The following MSRA variants were observed in gnomAD, a reference collection of about 807,000 sequenced individuals.
MSRA encodes the protein methionine sulfoxide reductase A.
A neutral mutation model predicts 31.3 loss-of-function variants in MSRA; 54 were observed. That is an observed-to-expected ratio of 1.73 (90% CI 1.39 to 2.17). The LOEUF (loss-of-function observed/expected upper bound fraction) is 2.17, where lower values mean the gene tolerates loss of function less well. Ranked by LOEUF, MSRA falls within the 30% of genes most tolerant of loss-of-function variation. MSRA has a pLI of 0.00. For synonymous variants in MSRA, 169 were observed against 116.5 expected, an observed-to-expected ratio of 1.45 and a Z score of -2.90; for missense variants, 507 against 300.9, an observed-to-expected ratio of 1.69 and a Z score of -5.07.
intron 5 of MSRA, among the ~76,000 whole-genome samples, chr8:10,373,999 G>T (rs1013849061): frequency 6.6e-6 from 1 of 152,180 alleles, no homozygotes; most frequent in African/African-American, 2.4e-5. Flanking sequence ...TGCCATGCTC[G>T]CCCTCCCCAG....
At chr8:10,423,944 A>C (rs1585750609) in intron 5 of MSRA, among the ~76,000 whole-genome samples, 1 of 152,000 alleles carries the variant, frequency 6.6e-6, no homozygotes, top group East Asian at 2.0e-4. Context: ...AATTGCACAC[A>C]GTGCACAAAG....
intron 2 of MSRA, among the ~76,000 whole-genome samples, chr8:10,211,431 G>A (rs1250214020): frequency 6.6e-6 from 1 of 152,080 alleles, no homozygotes; most frequent in Non-Finnish European, 1.5e-5. Context: ...CAATGAGAAC[G>A]AAGGTAATAG....
chr8:10,109,489 G>A (rs1022403771), intron 1 of MSRA, among the ~76,000 whole-genome samples: 16 of 151,866 alleles, frequency 1.1e-4, no homozygotes, highest in African/African-American at 2.7e-4. Context: ...CAACAGGCAC[G>A]CACCTACCAC....
intron 5 of MSRA, among the ~76,000 whole-genome samples, chr8:10,418,480 G>C (rs1808612497): frequency 6.6e-6 from 1 of 152,124 alleles, no homozygotes; most frequent in Non-Finnish European, 1.5e-5. Flanking sequence ...TGGAGGGGCA[G>C]CTCAGTTCAT....
intron 3 of MSRA, among the ~76,000 whole-genome samples, chr8:10,247,226 T>C (rs1446784274): frequency 6.6e-6 from 1 of 152,240 alleles, no homozygotes; most frequent in African/African-American, 2.4e-5. Context: ...ATGAAGTATG[T>C]CAGCTTCTAT....
intron 5 of MSRA, among the ~76,000 whole-genome samples, chr8:10,410,819 GC>G (rs1200324728): frequency 9.2e-5 from 14 of 152,184 alleles, no homozygotes; most frequent in Admixed American, 5.9e-4. Flanking sequence ...GAACTGGAAA[GC>G]ATGCCAATTA....
At chr8:10,328,376 T>A (rs1458229691) in intron 5 of MSRA, among the ~76,000 whole-genome samples, 2 of 151,648 alleles carry the variant, frequency 1.3e-5, no homozygotes, top group African/African-American at 4.9e-5. Context: ...TGAATCAGAT[T>A]AACAGATTCT....
chr8:10,070,630 T>C (rs1797686474), intron 1 of MSRA, among the ~76,000 whole-genome samples: 1 of 152,176 alleles, frequency 6.6e-6, no homozygotes, highest in Non-Finnish European at 1.5e-5. Context: ...TTGTGCTGCA[T>C]TTTTATAGCC....
intron 3 of MSRA, among the ~76,000 whole-genome samples, chr8:10,253,064 G>C (rs1797999640): frequency 6.6e-6 from 1 of 152,194 alleles, no homozygotes; most frequent in African/African-American, 2.4e-5. Flanking sequence ...TTAGACATCA[G>C]AGAGGGTGAG....
rs919140233 is a variant in MSRA at position 10,112,028 on chromosome 8, C to G, written c.142+57370C>G. Among the ~76,000 whole-genome samples, 22 of 119,670 alleles carry G rather than the reference C, an allele frequency of 1.8e-4. No homozygotes were observed. In the Admixed American group the frequency reaches 2.0e-3, roughly 11 times the overall value. 78.5% of individuals were successfully genotyped at this position (119,670 alleles called of 152,430 possible). Reference sequence around the variant, plus strand: ...GTCTTCTTTATTTTTCTTTTTAAGACTCAGTTTTTTTTTTGACTTAGTTTT... The same window carrying G: ...GTCTTCTTTATTTTTCTTTTTAAGAGTCAGTTTTTTTTTTGACTTAGTTTT... On this transcript the variant is annotated intron_variant, in intron 1 of 5. Transcript: ENST00000317173.
chr8:10,159,805 G>A (rs950205322), intron 1 of MSRA, among the ~76,000 whole-genome samples: 5 of 152,164 alleles, frequency 3.3e-5, no homozygotes, highest in African/African-American at 4.8e-5. Flanking sequence ...AAGAGGTACA[G>A]TGATAGAAAA....
intron 5 of MSRA, among the ~76,000 whole-genome samples, chr8:10,341,827 A>G (rs772477889): frequency 6.6e-6 from 1 of 152,216 alleles, no homozygotes; most frequent in African/African-American, 2.4e-5. Flanking sequence ...GAATGGGCAG[A>G]TGATTTGCCC....
rs1809340745 is a variant in MSRA at position 10,428,495 on chromosome 8, T to TA, written c.*184dup. On this transcript the variant is annotated 3_prime_UTR_variant, in exon 6 of 6. Coordinates refer to ENST00000317173, the MANE Select transcript of MSRA (RefSeq NM_012331.5). ...GATGGCAAGTTGATAAAATGTGACT[T>TA]ATCTCCTAATAAGTTATGGTGGGAG... is the stretch of plus-strand genomic sequence containing the variant. 1.6e-6 allele frequency: 1 copy of TA among 619,606 alleles called. No homozygotes were observed. Among genetic ancestry groups the TA allele is most frequent in the African/African-American group, 1.9e-5 (1 of 54,044 alleles). The allele number at this position is 619,606 out of a possible 1,614,324, so 38.4% of individuals were successfully genotyped here.
chr8:10,236,668 C>T (rs1202171338), intron 2 of MSRA, among the ~76,000 whole-genome samples: 1 of 152,140 alleles, frequency 6.6e-6, no homozygotes, highest in Non-Finnish European at 1.5e-5. Flanking sequence ...CCTCAGCCTC[C>T]TGAGTAGCTG....
intron 1 of MSRA, among the ~76,000 whole-genome samples, chr8:10,062,703 G>A (rs1585068206): frequency 6.6e-6 from 1 of 152,228 alleles, no homozygotes; most frequent in South Asian, 2.1e-4. Flanking sequence ...GGGGTTTGGG[G>A]GCTCCGGCCT....
At position 10,314,227 on chromosome 8, in the gene MSRA, T is replaced by G. The variant is rs542780666; in HGVS notation, c.437-5656T>G. On this transcript the variant is annotated intron_variant, in intron 4 of 5. Transcript: ENST00000317173. ...TGCCAAGAACAGAAAAAAAGAAAAATAAAAAATAACAAATTGCCAAGAACA... is the reference window on the plus strand; with the variant it reads ...TGCCAAGAACAGAAAAAAAGAAAAAGAAAAAATAACAAATTGCCAAGAACA... Among the ~76,000 whole-genome samples the G allele has an allele frequency of 2.8e-4, 42 of 151,392 alleles. No individual in the cohort carries two copies. The South Asian group carries it at 7.1e-3, about 26-fold the overall frequency.
At chr8:10,139,103 G>C (rs1188834351) in intron 1 of MSRA, among the ~76,000 whole-genome samples, 1 of 152,144 alleles carries the variant, frequency 6.6e-6, no homozygotes, top group Non-Finnish European at 1.5e-5. Flanking sequence ...TGAATTTCTT[G>C]TATTTGAGTG....
rs190338208 is a variant in MSRA at position 10,304,480 on chromosome 8, A to G, written c.436+2842A>G. Among the ~76,000 whole-genome samples, 77 of 152,368 alleles carry G rather than the reference A, an allele frequency of 5.1e-4. 1 individual carries two copies. The highest frequency in any genetic ancestry group is 4.8e-3 in the Admixed American group (74 of 15,308). ...AAAAACAAACAATAACCAACCCTTA[A>G]GTTCAGAATAACTCTGGTATCAATG... is the stretch of plus-strand genomic sequence containing the variant. On this transcript the variant is annotated intron_variant, in intron 4 of 5. Transcript: ENST00000317173.
chr8:10,216,684 G>C (rs1810022131), intron 2 of MSRA, among the ~76,000 whole-genome samples: 1 of 152,144 alleles, frequency 6.6e-6, no homozygotes, highest in Admixed American at 6.5e-5. Context: ...TTACCCTTTT[G>C]TGACTGGCTT....
Sources: gnomAD v4.1 joint callset for allele counts (sites outside exome capture counted in the v4.1 genomes callset) on GRCh38, gnomAD v4.1.1 for gene constraint, MANE v1.5 for transcripts, NCBI Gene and HGNC (gene_info 2026-07-23, HGNC 2026-07-21) for gene names.